Variants in GRIK1 observed in about 807,000 individuals in gnomAD.
GRIK1 encodes glutamate receptor ionotropic, kainate 1.
In GRIK1, 69 loss-of-function variants were observed where a neutral mutation model predicts 105.7. That is an observed-to-expected ratio of 0.65 (90% confidence interval 0.54 to 0.80). The LOEUF (loss-of-function observed/expected upper bound fraction) is 0.80. Among genes scored for constraint, GRIK1 ranks in the 30% least tolerant of loss-of-function variants. The pLI, the probability that GRIK1 is intolerant of heterozygous loss-of-function variation, is 0.00. For synonymous variants in GRIK1, 438 were observed against 431.3 expected, an observed-to-expected ratio of 1.02 and a Z score of -0.19; for missense variants, 1,109 against 1,167.3, an observed-to-expected ratio of 0.95 and a Z score of 0.73.
intron 2 of GRIK1, among the ~76,000 whole-genome samples, chr21:29,691,337 A>G (rs918294844): frequency 1.3e-5 from 2 of 152,206 alleles, no homozygotes; most frequent in Non-Finnish European, 2.9e-5. Flanking sequence ...AACATCCCCC[A>G]AAACATTTAA....
At chr21:29,688,530 AT>A (rs1246506073) in intron 3 of GRIK1, among the ~76,000 whole-genome samples, 1 of 152,162 alleles carries the variant, frequency 6.6e-6, no homozygotes, top group Non-Finnish European at 1.5e-5. Context: ...GAGAAAAAAA[AT>A]TCAGACAATC....
intron 1 of GRIK1, among the ~76,000 whole-genome samples, chr21:29,939,172 C>T (rs458965): frequency 0.2 from 30,380 of 152,102 alleles, 3,234 homozygotes; most frequent in South Asian, 0.3. Flanking sequence ...AACCCGCCAA[C>T]TGTACCTCCC....
intron 1 of GRIK1, among the ~76,000 whole-genome samples, chr21:29,711,176 ACAT>A (rs1438025870): frequency 6.6e-6 from 1 of 152,176 alleles, no homozygotes; most frequent in Non-Finnish European, 1.5e-5. Context: ...TTACAGTCAC[ACAT>A]CATATAACGA....
intron 1 of GRIK1, among the ~76,000 whole-genome samples, chr21:29,809,987 C>G (rs1197391490): frequency 6.6e-6 from 1 of 152,066 alleles, no homozygotes; most frequent in African/African-American, 2.4e-5. Flanking sequence ...AAAACAATTA[C>G]AACAGTAACA....
chr21:29,816,726 T>C (rs1407129335), intron 1 of GRIK1, among the ~76,000 whole-genome samples: 1 of 152,098 alleles, frequency 6.6e-6, no homozygotes, highest in African/African-American at 2.4e-5. Flanking sequence ...CACTTATATG[T>C]GGGAGCTAAG....
intron 1 of GRIK1, among the ~76,000 whole-genome samples, chr21:29,863,917 G>C (rs2068724714): frequency 6.6e-6 from 1 of 151,998 alleles, no homozygotes; most frequent in Non-Finnish European, 1.5e-5. Context: ...TAATTTATTA[G>C]TTCGGTTTTT....
intron 8 of GRIK1, among the ~76,000 whole-genome samples, chr21:29,597,343 T>A (rs1245698574): frequency 6.6e-6 from 1 of 152,240 alleles, no homozygotes; most frequent in Admixed American, 6.5e-5. Context: ...GTGCATAATA[T>A]TACGGTGTAT....
chr21:29,716,935 T>A (rs2064193413), intron 1 of GRIK1, among the ~76,000 whole-genome samples: 1 of 151,716 alleles, frequency 6.6e-6, no homozygotes, highest in Non-Finnish European at 1.5e-5. Context: ...GAGGGAGAAA[T>A]GGTTTTGTGG....
chr21:29,652,841 C>T (rs1331792186), intron 5 of GRIK1, among the ~76,000 whole-genome samples: 2 of 152,308 alleles, frequency 1.3e-5, no homozygotes, highest in Non-Finnish European at 2.9e-5. Context: ...AAAGCAGCAG[C>T]TTCAGAAACA....
At chr21:29,827,579 G>A (rs2067496764) in intron 1 of GRIK1, among the ~76,000 whole-genome samples, 1 of 151,996 alleles carries the variant, frequency 6.6e-6, no homozygotes, top group South Asian at 2.1e-4. Flanking sequence ...TGTCATAACT[G>A]TCGTAAATGA....
chr21:29,689,896 G>A lies in GRIK1; in HGVS notation c.376C>T (p.Leu126Phe). ...VSAVQSICNA[L>F]EVPHIQTRWK... is the part of the protein sequence containing the mutation. ...CGGGTCTGTATGTGTGGAACTTCGA[G>A]AGCATTGCAAATAGACTGCACAGCA... Residue 126 changes from leucine (L) to phenylalanine (F), a missense_variant, in exon 3 of 18, where the codon CTC becomes TTC. Leu to Phe is a conservative substitution (Grantham distance 22). Coordinates refer to ENST00000327783, the MANE Select transcript of GRIK1 (RefSeq NM_001330994.2). 6.2e-7 allele frequency: 1 copy of A among 1,613,790 alleles called. No individual in the cohort carries two copies. Among genetic ancestry groups the A allele is most frequent in the Non-Finnish European group, 8.5e-7 (1 of 1,179,834 alleles).
chr21:29,828,035 G>GT (rs60096082), intron 1 of GRIK1, among the ~76,000 whole-genome samples: 1 of 149,106 alleles, frequency 6.7e-6, no homozygotes. Context: ...GTGTGTGTGT[G>GT]GGTGTGTGTC....
intron 1 of GRIK1, among the ~76,000 whole-genome samples, chr21:29,892,885 T>C (rs2069954338): frequency 6.6e-6 from 1 of 152,100 alleles, no homozygotes; most frequent in Non-Finnish European, 1.5e-5. Context: ...TGAGGGAATT[T>C]AAATTTGGCC....
intron 7 of GRIK1, among the ~76,000 whole-genome samples, chr21:29,614,939 A>G (rs2061813699): frequency 6.6e-6 from 1 of 151,544 alleles, no homozygotes; most frequent in African/African-American, 2.5e-5. Context: ...CTTGATAGAA[A>G]GCGAGCATCA....
chr21:29,686,037 C>T (rs1422429707), intron 3 of GRIK1, among the ~76,000 whole-genome samples: 3 of 152,224 alleles, frequency 2.0e-5, no homozygotes, highest in Admixed American at 6.5e-5. Flanking sequence ...CCTTGCTGGG[C>T]TTTCCCCCTC....
chr21:29,754,709 G>C (rs753783055), intron 1 of GRIK1, among the ~76,000 whole-genome samples: 1 of 152,160 alleles, frequency 6.6e-6, no homozygotes, highest in Non-Finnish European at 1.5e-5. Flanking sequence ...TCTGCAATCT[G>C]TTCACTTTCA....
At chr21:29,598,403 A>G (rs1276844903) in intron 8 of GRIK1, among the ~76,000 whole-genome samples, 2 of 152,170 alleles carry the variant, frequency 1.3e-5, no homozygotes, top group African/African-American at 4.8e-5. Context: ...TCTGTCACCA[A>G]TCTCAAAATG....
At chr21:29,550,915 A>G (rs1194508049) in intron 16 of GRIK1, among the ~76,000 whole-genome samples, 1 of 152,208 alleles carries the variant, frequency 6.6e-6, no homozygotes, top group Admixed American at 6.5e-5. Context: ...TATTACCTTC[A>G]TTTTACAAGT....
chr21:29,698,534 G>A (rs2063753558), intron 1 of GRIK1, among the ~76,000 whole-genome samples: 2 of 152,196 alleles, frequency 1.3e-5, no homozygotes, highest in South Asian at 4.1e-4. Flanking sequence ...AAAATCGGCA[G>A]GCCTGGGTTG....
Sources: allele counts gnomAD v4.1 joint callset (sites outside exome capture counted in the v4.1 genomes callset), GRCh38; gene constraint gnomAD v4.1.1; transcripts MANE v1.5; gene names NCBI Gene and HGNC (gene_info 2026-07-23, HGNC 2026-07-21).